The following MYO9A variants were observed in gnomAD, a reference collection of about 807,000 sequenced individuals.
MYO9A encodes unconventional myosin-IXa.
In MYO9A, 103 loss-of-function variants were observed where a neutral mutation model predicts 293.3. The ratio of observed to expected loss-of-function variants is 0.35; its 90% CI spans 0.30 to 0.41. The LOEUF is 0.41. Ranked by LOEUF, MYO9A falls within the 10% of genes least tolerant of loss-of-function variation. The pLI, the probability that MYO9A is intolerant of heterozygous loss-of-function variation, is 1.00. For synonymous variants in MYO9A, 1,001 were observed against 1,035.7 expected (o/e 0.97, Z 0.64); for missense variants, 2,685 against 3,033.0 (o/e 0.89, Z 2.69).
chr15:71,924,578 T>C (rs979575313), intron 18 of MYO9A, among the ~76,000 whole-genome samples: 1 of 152,088 alleles, frequency 6.6e-6, no homozygotes, highest in African/African-American at 2.4e-5. Context: ...TGAGACTTGT[T>C]TTGTGGCCCA....
chr15:71,967,946 T>C (rs2147273147), intron 13 of MYO9A, 38 bp downstream of exon 13: 1 of 1,572,924 alleles, frequency 6.4e-7, no homozygotes. Flanking sequence ...AGAACACATC[T>C]CTGCCCTGTA....
intron 13 of MYO9A, among the ~76,000 whole-genome samples, chr15:71,966,265 A>AGTGTGTGTGTGT (rs377708464): frequency 0.034 from 4,642 of 134,834 alleles, 137 homozygotes; most frequent in African/African-American, 0.061. Context: ...ATCCCAGGCA[A>AGTGTGTGTGTGT]GTGTGTGTGT....
intron 12 of MYO9A, among the ~76,000 whole-genome samples, chr15:71,969,961 G>C (rs765817692): frequency 5.3e-5 from 8 of 152,108 alleles, no homozygotes; most frequent in African/African-American, 1.9e-4. Flanking sequence ...CCCAACTATT[G>C]CAATTCTGAC....
intron 1 of MYO9A, among the ~76,000 whole-genome samples, chr15:72,082,995 T>A (rs757090014): frequency 6.6e-6 from 1 of 151,706 alleles, no homozygotes; most frequent in Non-Finnish European, 1.5e-5. Flanking sequence ...TTTTGTTGTG[T>A]CTCTGCTAGG....
In MYO9A at chr15:71,939,038, T is replaced by A; in HGVS notation, c.2303-111A>T. The A allele has an allele frequency of 4.2e-6, 3 of 720,082 alleles. No individual in the cohort carries two copies. In the South Asian group the frequency reaches 6.0e-5, roughly 14 times the overall value. The allele number at this position is 720,082 out of a possible 1,614,324, so 44.6% of individuals were successfully genotyped here. On this transcript the variant is annotated intron_variant, in intron 15 of 41. Coordinates refer to ENST00000356056, the MANE Select transcript of MYO9A (RefSeq NM_006901.4). Reference sequence around the variant, plus strand: ...TTTAATCACGAGTATTTGCTAAATATTTCAGAAATATCTAAATAATTACAT... The same window carrying A: ...TTTAATCACGAGTATTTGCTAAATAATTCAGAAATATCTAAATAATTACAT...
chr15:71,856,718 T>G (rs1368702658), intron 34 of MYO9A, among the ~76,000 whole-genome samples: 2 of 152,238 alleles, frequency 1.3e-5, no homozygotes, highest in Non-Finnish European at 2.9e-5. Context: ...ATTAATTTCA[T>G]GTCTATTTTG....
chr15:71,951,698 C>A (rs780994140), intron 15 of MYO9A, 79 bp downstream of exon 15: 1 of 1,572,154 alleles, frequency 6.4e-7, no homozygotes, highest in South Asian at 1.1e-5. Context: ...AATCTATATC[C>A]CACCCTGGTG....
At chr15:72,034,791 G>GTGTGATGTACTACTCTTATTTTCATA (rs2077992188) in intron 2 of MYO9A, among the ~76,000 whole-genome samples, 3 of 152,190 alleles carry the variant, frequency 2.0e-5, no homozygotes, top group Non-Finnish European at 4.4e-5. Context: ...AAATATGGAT[G>GTGTGATGTACTACTCTTATTTTCATA]TGTGATGTAC....
At chr15:71,944,180 T>C (rs1368776609) in intron 15 of MYO9A, among the ~76,000 whole-genome samples, 2 of 152,124 alleles carry the variant, frequency 1.3e-5, no homozygotes, top group Non-Finnish European at 2.9e-5. Context: ...CTTTTGCCCA[T>C]TTAAAAACTG....
intron 13 of MYO9A, among the ~76,000 whole-genome samples, chr15:71,966,232 C>G (rs1307459141): frequency 6.8e-6 from 1 of 146,424 alleles, no homozygotes; most frequent in African/African-American, 2.6e-5. Context: ...TTACTTTCAA[C>G]CTATCTGATA....
chr15:71,995,623 G>C (rs902922863), intron 9 of MYO9A, among the ~76,000 whole-genome samples: 5 of 151,080 alleles, frequency 3.3e-5, no homozygotes, highest in Admixed American at 3.3e-4. Flanking sequence ...TTAGCACTTA[G>C]AAGAATATAA....
At chr15:72,060,070 T>C (rs1043135767) in intron 1 of MYO9A, among the ~76,000 whole-genome samples, 2 of 152,242 alleles carry the variant, frequency 1.3e-5, no homozygotes, top group African/African-American at 4.8e-5. Flanking sequence ...CATTATCATC[T>C]TCCTGAGTTA....
At chr15:72,044,967 T>C (rs1379316283) in intron 2 of MYO9A, among the ~76,000 whole-genome samples, 1 of 152,230 alleles carries the variant, frequency 6.6e-6, no homozygotes, top group Admixed American at 6.5e-5. Flanking sequence ...ACCACCTTTT[T>C]TGCGTTCCCA....
chr15:71,912,507 C>T (rs1365175304), intron 19 of MYO9A, among the ~76,000 whole-genome samples: 8 of 152,158 alleles, frequency 5.3e-5, no homozygotes, highest in South Asian at 4.1e-4. Flanking sequence ...CTGCCTGCCT[C>T]GGCCTCCCAA....
At position 71,826,823 on chromosome 15, in the gene MYO9A, G is replaced by A; in HGVS notation, c.7404C>T (p.Ala2468=). ...GGCCCAATGGTCCTTCCATTCCCAG[G>A]GCCTCATTACCTGAGGCAGCTCGGT... ...PFYRAASGNE[A]LGMEGPLGQT... Residue 2468 remains alanine (A), a synonymous_variant, in exon 42 of 42, where the codon GCC becomes GCT. Coordinates refer to ENST00000356056, the MANE Select transcript of MYO9A (RefSeq NM_006901.4). 1.9e-6 allele frequency: 3 copies of A among 1,614,042 alleles called. No individual in the cohort carries two copies. Among genetic ancestry groups the A allele is most frequent in the South Asian group, 1.1e-5 (1 of 91,078 alleles).
chr15:72,028,218 A>AATAAATAAATATATATAT lies in MYO9A; in HGVS notation c.936-426_936-425insATATATATATTTATTTAT, dbSNP rs1555408276. On this transcript the variant is annotated intron_variant, in intron 3 of 41. Coordinates refer to ENST00000356056, the MANE Select transcript of MYO9A (RefSeq NM_006901.4). ...TCTCAAAAAAATAAATAAATAAATA[A>AATAAATAAATATATATAT]ATATATATATATATATATATAAATA... 7.4e-4 allele frequency among the ~76,000 whole-genome samples: 99 copies of AATAAATAAATATATATAT among 134,224 alleles called. 1 individual carries two copies. The highest frequency in any genetic ancestry group is 2.5e-3 in the African/African-American group (91 of 36,472). The allele number at this position is 134,224 out of a possible 152,430, so 88.1% of individuals were successfully genotyped here.
intron 18 of MYO9A, among the ~76,000 whole-genome samples, chr15:71,930,844 T>C (rs76860937): frequency 0.023 from 3,479 of 152,290 alleles, 54 homozygotes; most frequent in Middle Eastern, 0.034. Context: ...TTTTATCTTT[T>C]GTGTATCCAC....
At chr15:71,852,656 C>A (rs1397360273) in intron 35 of MYO9A, among the ~76,000 whole-genome samples, 2 of 152,066 alleles carry the variant, frequency 1.3e-5, no homozygotes, top group Non-Finnish European at 2.9e-5. Context: ...AGCCACCATG[C>A]CCGGCCGGCT....
chr15:71,989,096 T>C (rs928973127), intron 11 of MYO9A, among the ~76,000 whole-genome samples: 2 of 152,160 alleles, frequency 1.3e-5, no homozygotes, highest in African/African-American at 4.8e-5. Flanking sequence ...GGTTTCACCA[T>C]GTTGGTCAGC....
Sources: gnomAD v4.1 joint callset for allele counts (sites outside exome capture counted in the v4.1 genomes callset) on GRCh38, gnomAD v4.1.1 for gene constraint, MANE v1.5 for transcripts, NCBI Gene and HGNC (gene_info 2026-07-23, HGNC 2026-07-21) for gene names.